HDGF: variants seen among roughly 807,000 people sequenced by gnomAD.
HDGF encodes the protein heparin binding growth factor.
HDGF carries 5 observed loss-of-function variants against 30.0 expected under a neutral mutation model. That is an observed-to-expected ratio of 0.17 (90% CI 0.09 to 0.35). The LOEUF (loss-of-function observed/expected upper bound fraction) is 0.35. HDGF is among the 10% of genes least tolerant of loss of function. The pLI, the probability that HDGF is intolerant of heterozygous loss-of-function variation, is 1.00. For missense variants in HDGF, 214 were observed against 302.8 expected (o/e 0.71, Z 2.18); for synonymous variants, 133 against 112.7 (o/e 1.18, Z -1.14).
chr1:156,763,566 T>C (rs1651296435), intron 1 of HDGF, among the ~76,000 whole-genome samples: 1 of 151,298 alleles, frequency 6.6e-6, no homozygotes, highest in Non-Finnish European at 1.5e-5. Flanking sequence ...GAAAGGCTCA[T>C]AGATGTACCA....
rs536665238 is a variant in HDGF at position 156,762,373 on chromosome 1, G to T, written n.137-3154C>A. ...TCAAGATGAGCCTTGTCAAGAGGCTGGTAGCCTCTTTAGCGAGACCTTGTC... is the reference window on the plus strand; with the variant it reads ...TCAAGATGAGCCTTGTCAAGAGGCTTGTAGCCTCTTTAGCGAGACCTTGTC... On this transcript the variant is annotated intron_variant and non_coding_transcript_variant, in intron 1 of 7. Transcript: ENST00000465180. 1.8e-4 allele frequency among the ~76,000 whole-genome samples: 28 copies of T among 152,024 alleles called. No individual in the cohort carries two copies. In the East Asian group the frequency reaches 5.0e-3, roughly 27 times the overall value.
intron 4 of HDGF, 141 bp downstream of exon 4, chr1:156,744,022 T>G (rs1650328081): frequency 9.4e-7 from 1 of 1,064,534 alleles, no homozygotes; most frequent in Non-Finnish European, 1.5e-6. Flanking sequence ...CTGTGTCCCA[T>G]CTGGTCAGCT....
chr1:156,752,313 CAGG>C (rs898408273), upstream of HDGF: 166 of 1,551,644 alleles, frequency 1.1e-4, no homozygotes, highest in Non-Finnish European at 1.4e-4. Context: ...GTTTGGTAGC[CAGG>C]AGATGGCCAA....
intron 1 of HDGF, among the ~76,000 whole-genome samples, chr1:156,763,991 A>T (rs971133070): frequency 6.7e-6 from 1 of 149,638 alleles, no homozygotes; most frequent in Non-Finnish European, 1.5e-5. Flanking sequence ...TCAACCTCGC[A>T]GGCTCAAGCG....
chr1:156,763,314 G>A (rs1651286620), intron 1 of HDGF, among the ~76,000 whole-genome samples: 1 of 151,768 alleles, frequency 6.6e-6, no homozygotes, highest in African/African-American at 2.4e-5. Flanking sequence ...CTGCATTCAA[G>A]TGATTCTCCT....
intron 1 of HDGF, among the ~76,000 whole-genome samples, chr1:156,750,982 A>C (rs533885219): frequency 2.0e-5 from 3 of 151,606 alleles, no homozygotes; most frequent in Admixed American, 6.6e-5. Context: ...CGGGGGAAGG[A>C]ATAACACGAC....
chr1:156,765,685 G>C (rs1651351701), intron 1 of HDGF, among the ~76,000 whole-genome samples: 1 of 151,522 alleles, frequency 6.6e-6, no homozygotes, highest in Non-Finnish European at 1.5e-5. Context: ...ATCTTGGCCA[G>C]GCTGGTCTCA....
upstream of HDGF, among the ~76,000 whole-genome samples, chr1:156,754,009 AG>A (rs1465617320): frequency 6.8e-6 from 1 of 146,314 alleles, no homozygotes; most frequent in African/African-American, 2.5e-5. Flanking sequence ...TCCGCCTCCC[AG>A]GATCAAGCGA....
chr1:156,756,338 T>C (rs1651154344), upstream of HDGF, among the ~76,000 whole-genome samples: 1 of 152,240 alleles, frequency 6.6e-6, no homozygotes, highest in South Asian at 2.1e-4. Context: ...TCACTGTATT[T>C]ATTGTTATAT....
At chr1:156,745,275 T>C in intron 2 of HDGF, 22 bp downstream of exon 2, 1 of 1,612,714 alleles carries the variant, frequency 6.2e-7, no homozygotes, top group African/African-American at 1.3e-5. Flanking sequence ...TCCCGACCTA[T>C]ACCCCTTTGG....
rs940285488 is a variant in HDGF at position 156,751,288 on chromosome 1, T to C, written c.87+55A>G. ...CGCGGAGCGCTCGTGCCCTTCCCGG[T>C]GTTATGCAACCCAAGCCCGCAGGGG... On this transcript the variant is annotated intron_variant, in intron 1 of 5. Transcript: ENST00000357325. The surrounding 1 kb of genome is among the most constrained non-coding windows in gnomAD (Gnocchi z 4.7). 8.9e-6 allele frequency: 14 copies of C among 1,575,152 alleles called. No individual in the cohort carries two copies. The South Asian group carries it at 1.5e-4, about 17-fold the overall frequency.
chr1:156,755,988 C>T (rs534076299), upstream of HDGF, among the ~76,000 whole-genome samples: 79 of 152,306 alleles, frequency 5.2e-4, no homozygotes, highest in Middle Eastern at 6.8e-3. Context: ...AGGTGGCTCA[C>T]GCTTGTAATC....
rs1403719359 is a variant in HDGF at position 156,742,601 on chromosome 1, T to G, written c.*848A>C. ...TTTTCCTTTATGTCTGGGTGATATA[T>G]ATGACTATAAGCTGGCCTTGAGCAC... is the stretch of plus-strand genomic sequence containing the variant. On this transcript the variant is annotated 3_prime_UTR_variant, in exon 6 of 6. Transcript: ENST00000357325. 6.5e-6 allele frequency: 1 copy of G among 152,862 alleles called. No homozygotes were observed. Among genetic ancestry groups the G allele is most frequent in the Non-Finnish European group, 1.5e-5 (1 of 68,202 alleles). 9.5% of individuals were successfully genotyped at this position (152,862 alleles called of 1,614,324 possible). A position where few individuals can be genotyped will look rare whatever the true frequency, so the allele number is the denominator to read the frequency against.
intron 2 of HDGF, among the ~76,000 whole-genome samples, chr1:156,758,537 G>A (rs1279522897): frequency 1.3e-5 from 2 of 150,100 alleles, no homozygotes. Flanking sequence ...AGCTTGCAGT[G>A]AGCTGAGATC....
chr1:156,747,761 CTG>C lies in HDGF; in HGVS notation c.88-2390_88-2389del, dbSNP rs1322569787. Among the ~76,000 whole-genome samples, 12 of 152,188 alleles carry C rather than the reference CTG, an allele frequency of 7.9e-5. No homozygotes were observed. The South Asian group carries it at 2.1e-3, about 26-fold the overall frequency. ...TAAATGCGTGATGGAAGAGGAGAAA[CTG>C]AGGCTTCATAAGAGGGTGTGTGTGG... On this transcript the variant is annotated intron_variant, in intron 1 of 5. Coordinates refer to ENST00000357325, the MANE Select transcript of HDGF (RefSeq NM_004494.3).
rs116242589 is a variant in HDGF at position 156,746,144 on chromosome 1, G to A, written c.88-771C>T. Among the ~76,000 whole-genome samples the A allele has an allele frequency of 2.4e-4, 37 of 152,224 alleles. 1 individual carries two copies. The highest frequency in any genetic ancestry group is 6.7e-4 in the African/African-American group (28 of 41,518). ...CACTCCTGGCCTGGCCGACTCCCTAGGTAAAACTCTTTCCTAAGACTTCCC... is the reference window on the plus strand; with the variant it reads ...CACTCCTGGCCTGGCCGACTCCCTAAGTAAAACTCTTTCCTAAGACTTCCC... On this transcript the variant is annotated intron_variant, in intron 1 of 5. Coordinates refer to ENST00000357325, the MANE Select transcript of HDGF (RefSeq NM_004494.3).
rs1380137482 is a variant in HDGF at position 156,742,623 on chromosome 1, G to T, written c.*826C>A. The T allele has an allele frequency of 6.5e-6, 1 of 152,928 alleles. No individual in the cohort carries two copies. Among genetic ancestry groups the T allele is most frequent in the Non-Finnish European group, 1.5e-5 (1 of 68,188 alleles). 9.5% of individuals were successfully genotyped at this position (152,928 alleles called of 1,614,324 possible). On this transcript the variant is annotated 3_prime_UTR_variant, in exon 6 of 6. Coordinates refer to ENST00000357325, the MANE Select transcript of HDGF (RefSeq NM_004494.3). The stretch of plus-strand genomic sequence containing the variant: ...ATATATGACTATAAGCTGGCCTTGA[G>T]CACTGTGTGGAGAGGAAAAAGGACA...
At chr1:156,746,075 A>G (rs1337712851) in intron 1 of HDGF, among the ~76,000 whole-genome samples, 1 of 152,152 alleles carries the variant, frequency 6.6e-6, no homozygotes, top group Non-Finnish European at 1.5e-5. Flanking sequence ...GATCATCCTT[A>G]TAGCCTCAGC....
Position 156,743,421 on chromosome 1 carries a change from G to C in HDGF, c.*28C>G, listed in dbSNP as rs764091839. 2 of 1,515,836 alleles carry C rather than the reference G, an allele frequency of 1.3e-6. No individual in the cohort carries two copies. The highest frequency in any genetic ancestry group is 1.8e-6 in the Non-Finnish European group (2 of 1,135,002). The allele number at this position is 1,515,836 out of a possible 1,614,324, so 93.9% of individuals were successfully genotyped here. ...GCACCCAGACAGCAGCAGGAACAGG[G>C]TGGGGGCTCCTCTTGAAACATTGGT... On this transcript the variant is annotated 3_prime_UTR_variant, in exon 6 of 6. Coordinates refer to ENST00000357325, the MANE Select transcript of HDGF (RefSeq NM_004494.3).
Sources: gnomAD v4.1 joint callset for allele counts (sites outside exome capture counted in the v4.1 genomes callset) on GRCh38, gnomAD v4.1.1 for gene constraint, Gnocchi (gnomAD v3.1) non-coding constraint, MANE v1.5 for transcripts, NCBI Gene and HGNC (gene_info 2026-07-23, HGNC 2026-07-21) for gene names.